Variants in SETD3 observed in about 807,000 individuals in gnomAD.
SETD3 encodes SET domain containing 3, actin N3(tau)-histidine methyltransferase.
Under a neutral mutation model 63.0 loss-of-function variants are expected in SETD3, and 19 were observed. The observed-to-expected ratio is 0.30, with a 90% CI of 0.21 to 0.44. The LOEUF (loss-of-function observed/expected upper bound fraction) is 0.44, where lower values mean the gene tolerates loss of function less well. SETD3 is among the 20% of genes least tolerant of loss of function. The pLI is 1.00. For missense variants in SETD3, 587 were observed against 728.5 expected, an observed-to-expected ratio of 0.81 and a Z score of 2.24; for synonymous variants, 286 against 264.1, an observed-to-expected ratio of 1.08 and a Z score of -0.80.
rs1019711869 is a variant in SETD3 at position 99,429,225 on chromosome 14, T to C, written c.676-15291A>G. Among the ~76,000 whole-genome samples, 14 of 152,086 alleles carry C rather than the reference T, an allele frequency of 9.2e-5. 1 individual carries two copies. The highest frequency in any genetic ancestry group is 3.1e-4 in the African/African-American group (13 of 41,398). On this transcript the variant is annotated intron_variant, in intron 6 of 12. Coordinates refer to ENST00000331768, the MANE Select transcript of SETD3 (RefSeq NM_032233.3). ...AGTAAATGTTAGTGCCCTTCTGCAC[T>C]GAACTGTTCTGTTCACAGGAACCAA...
At chr14:99,405,130 C>T (rs1891610104) in intron 10 of SETD3, 75 bp downstream of exon 10, 5 of 1,512,176 alleles carry the variant, frequency 3.3e-6, no homozygotes, top group Non-Finnish European at 4.4e-6. Context: ...TTTATTAACA[C>T]ACCAATTAAA....
At position 99,480,744 on chromosome 14, in the gene SETD3, G is replaced by A. The variant is rs1438006945; in HGVS notation, c.-25C>T. 11 of 151,418 alleles carry A rather than the reference G, an allele frequency of 7.3e-5. No individual in the cohort carries two copies. The highest frequency in any genetic ancestry group is 6.6e-4 in the Admixed American group (10 of 15,166). 9.4% of individuals were successfully genotyped at this position (151,418 alleles called of 1,614,324 possible). The stretch of plus-strand genomic sequence containing the variant: ...AGCACTCACCTGCCCGCTTCCCCTA[G>A]CGCAGCGGGAACGACGTACTCCGGC... On this transcript the variant is annotated 5_prime_UTR_variant, in exon 1 of 13. Coordinates refer to ENST00000331768, the MANE Select transcript of SETD3 (RefSeq NM_032233.3).
At chr14:99,417,397 A>G (rs1356772963) in intron 6 of SETD3, among the ~76,000 whole-genome samples, 1 of 152,286 alleles carries the variant, frequency 6.6e-6, no homozygotes, top group Non-Finnish European at 1.5e-5. Context: ...ATACCCTTGG[A>G]AAAAGTCACA....
At chr14:99,441,815 G>A (rs1224009043) in intron 6 of SETD3, among the ~76,000 whole-genome samples, 1 of 152,196 alleles carries the variant, frequency 6.6e-6, no homozygotes, top group Non-Finnish European at 1.5e-5. Flanking sequence ...AAAAGTCAGT[G>A]GGGAGACATG....
At chr14:99,431,584 C>T (rs990758083) in intron 6 of SETD3, among the ~76,000 whole-genome samples, 2 of 152,088 alleles carry the variant, frequency 1.3e-5, no homozygotes, top group South Asian at 2.1e-4. Flanking sequence ...CTCCACTTCC[C>T]GGGTTCAAGC....
chr14:99,431,274 C>T (rs537990809), intron 6 of SETD3, among the ~76,000 whole-genome samples: 2 of 152,336 alleles, frequency 1.3e-5, no homozygotes, highest in East Asian at 3.9e-4. Context: ...CTTTCCAATA[C>T]CAACCTAAGG....
chr14:99,450,964 T>C (rs11160521), intron 6 of SETD3, among the ~76,000 whole-genome samples: 149,906 of 152,328 alleles, frequency 0.98, 73,803 homozygotes, highest in East Asian at 1. Context: ...GTCACAGCAC[T>C]GGGCCCATTA....
At chr14:99,456,416 T>G (rs552136923) in intron 6 of SETD3, among the ~76,000 whole-genome samples, 2 of 152,374 alleles carry the variant, frequency 1.3e-5, no homozygotes, top group South Asian at 4.1e-4. Context: ...AGAGGAATAA[T>G]TTCTTTAAAA....
intron 6 of SETD3, among the ~76,000 whole-genome samples, chr14:99,437,469 C>T (rs146726070): frequency 2.0e-5 from 3 of 152,352 alleles, no homozygotes; most frequent in East Asian, 3.9e-4. Flanking sequence ...ACATTATATA[C>T]TGCATTTGGT....
At chr14:99,432,973 CTT>C (rs1416641678) in intron 6 of SETD3, among the ~76,000 whole-genome samples, 1 of 152,146 alleles carries the variant, frequency 6.6e-6, no homozygotes, top group African/African-American at 2.4e-5. Context: ...ATAAATTAGA[CTT>C]TGTTAAAATT....
chr14:99,398,553 A>G lies in SETD3; in HGVS notation c.*126T>C. 2 of 921,478 alleles carry G rather than the reference A, an allele frequency of 2.2e-6. No individual in the cohort carries two copies. Among genetic ancestry groups the G allele is most frequent in the Non-Finnish European group, 3.2e-6 (2 of 620,404 alleles). 57.1% of individuals were successfully genotyped at this position (921,478 alleles called of 1,614,324 possible). ...AATAACTTAAAAAAACCATTTTTAT[A>G]TAAAGCAGCAAAAACATATCTTCCT... On this transcript the variant is annotated 3_prime_UTR_variant, in exon 13 of 13. Transcript: ENST00000331768.
intron 6 of SETD3, among the ~76,000 whole-genome samples, chr14:99,451,293 T>C (rs1180158573): frequency 1.3e-5 from 2 of 152,196 alleles, no homozygotes; most frequent in Non-Finnish European, 2.9e-5. Context: ...AATGCCAAGT[T>C]CGGCCTTCCA....
At chr14:99,474,856 A>G (rs1052222260) in intron 1 of SETD3, among the ~76,000 whole-genome samples, 1 of 147,632 alleles carries the variant, frequency 6.8e-6, no homozygotes, top group African/African-American at 2.5e-5. Flanking sequence ...ATAAATAAGC[A>G]CAGTTGTTGC....
intron 6 of SETD3, among the ~76,000 whole-genome samples, chr14:99,433,701 T>C (rs189197178): frequency 1.3e-3 from 198 of 152,290 alleles, no homozygotes; most frequent in African/African-American, 4.6e-3. Flanking sequence ...CCTCTGAAAG[T>C]GCTGGGATTA....
At chr14:99,402,325 G>A (rs538165141) in intron 11 of SETD3, among the ~76,000 whole-genome samples, 53 of 152,310 alleles carry the variant, frequency 3.5e-4, no homozygotes, top group Non-Finnish European at 5.1e-4. Context: ...CGTGGGCTCT[G>A]GAGTTAACAG....
intron 1 of SETD3, among the ~76,000 whole-genome samples, chr14:99,475,365 G>C (rs1014805909): frequency 1.1e-4 from 16 of 152,262 alleles, no homozygotes; most frequent in Admixed American, 3.9e-4. Context: ...GCAGGACAGA[G>C]AGAGCGTGTT....
At chr14:99,408,938 G>C (rs896705246) in intron 8 of SETD3, among the ~76,000 whole-genome samples, 3 of 152,180 alleles carry the variant, frequency 2.0e-5, no homozygotes, top group East Asian at 3.9e-4. Context: ...TTCCAAGGCT[G>C]TAAGGACCCC....
intron 1 of SETD3, among the ~76,000 whole-genome samples, chr14:99,471,417 T>C (rs553720035): frequency 5.3e-5 from 8 of 152,202 alleles, no homozygotes; most frequent in Non-Finnish European, 8.8e-5. Context: ...TAATTAGAGA[T>C]AGATTGGCCA....
chr14:99,440,056 A>G (rs7149149), intron 6 of SETD3, among the ~76,000 whole-genome samples: 75,595 of 151,748 alleles, frequency 0.5, 19,388 homozygotes, highest in African/African-American at 0.6. Context: ...TGATCTCCCC[A>G]CCCTGGCCTC....
Sources: gnomAD v4.1 joint callset for allele counts (sites outside exome capture counted in the v4.1 genomes callset) on GRCh38, gnomAD v4.1.1 for gene constraint, MANE v1.5 for transcripts, NCBI Gene and HGNC (gene_info 2026-07-23, HGNC 2026-07-21) for gene names.